WFDC10B: variants seen among roughly 807,000 people sequenced by gnomAD.
The protein encoded by WFDC10B is WAP four-disulfide core domain 10B, also known as protein WFDC10B.
A neutral mutation model predicts 2.7 loss-of-function variants in WFDC10B; 1 was observed. That is an observed-to-expected ratio of 0.38 (90% confidence interval 0.13 to 1.79). The LOEUF (loss-of-function observed/expected upper bound fraction) is 1.79, where lower values mean the gene tolerates loss of function less well. WFDC10B is among the 40% of genes most tolerant of loss of function. The probability of loss-of-function intolerance (pLI) is 0.33; values close to 1 mark genes in which losing one functional copy is unlikely to be tolerated. For synonymous variants in WFDC10B, 26 were observed against 32.2 expected (o/e 0.81, Z 0.65); for missense variants, 71 against 87.8 (o/e 0.81, Z 0.76).
chr20:45,699,862 A>G (rs1455592600), intron 2 of WFDC10B, among the ~76,000 whole-genome samples: 3 of 152,134 alleles, frequency 2.0e-5, no homozygotes, highest in African/African-American at 7.2e-5. Context: ...TATTTTTAGT[A>G]GAGATGGGGT....
chr20:45,688,892 GT>G (rs1202859877), intron 2 of WFDC10B, among the ~76,000 whole-genome samples: 1 of 151,894 alleles, frequency 6.6e-6, no homozygotes, highest in Admixed American at 6.6e-5. Context: ...TGCTTTTGGT[GT>G]TTTAGACATG....
At position 45,694,054 on chromosome 20, in the gene WFDC10B, G is replaced by GCAAA. The variant is rs900104931; in HGVS notation, c.-64-8002_-64-7999dup. ...TAGACGTTTGTCAGGTGGATAGATT[G>GCAAA]CAAACATTTTCTCCCATTTTGTAGG... On this transcript the variant is annotated intron_variant, in intron 2 of 3. Transcript: ENST00000330523. 4.7e-4 allele frequency among the ~76,000 whole-genome samples: 71 copies of GCAAA among 152,274 alleles called. 1 individual carries two copies. The highest frequency in any genetic ancestry group is 1.7e-3 in the African/African-American group (71 of 41,558).
chr20:45,692,545 C>T (rs1236632926), intron 2 of WFDC10B, among the ~76,000 whole-genome samples: 15 of 152,026 alleles, frequency 9.9e-5, no homozygotes, highest in Admixed American at 9.8e-4. Context: ...GTTTTTATTC[C>T]TTTTTCTCTA....
intron 2 of WFDC10B, among the ~76,000 whole-genome samples, chr20:45,695,128 T>C (rs1983938934): frequency 6.6e-6 from 1 of 152,166 alleles, no homozygotes; most frequent in Admixed American, 6.5e-5. Context: ...TCAGATGGGA[T>C]TGTGGGAGCC....
At chr20:45,702,060 C>T (rs1373077836) in intron 2 of WFDC10B, 5 of 1,494,472 alleles carry the variant, frequency 3.3e-6, no homozygotes, top group Non-Finnish European at 4.6e-6. Flanking sequence ...CTTCTCCTCA[C>T]AGCAGTGCCT....
rs533933824 is a variant in WFDC10B, at chr20:45,698,849, T to A, written c.-65+5648A>T. Among the ~76,000 whole-genome samples the A allele has an allele frequency of 7.5e-4, 114 of 151,552 alleles. 2 individuals are homozygous for A. Among genetic ancestry groups the A allele is most frequent in the African/African-American group, 2.7e-3 (113 of 41,270 alleles). On this transcript the variant is annotated intron_variant, in intron 2 of 3. Coordinates refer to ENST00000330523, the MANE Select transcript of WFDC10B (RefSeq NM_172006.2). The stretch of plus-strand genomic sequence containing the variant: ...AGGTGTGGGTGGCAGGCGCCTGTAA[T>A]CCCAGCTACTCAGGAGGCTGAGGCA...
intron 2 of WFDC10B, chr20:45,702,251 T>A: frequency 6.3e-7 from 1 of 1,579,896 alleles, no homozygotes; most frequent in Non-Finnish European, 8.6e-7. Context: ...AAGTAACATG[T>A]GTGGATAGGA....
At chr20:45,701,077 T>C (rs1011434806) in intron 2 of WFDC10B, among the ~76,000 whole-genome samples, 1 of 152,198 alleles carries the variant, frequency 6.6e-6, no homozygotes, top group African/African-American at 2.4e-5. Context: ...TGCCAGACCC[T>C]TTTTGGTTTG....
intron 2 of WFDC10B, among the ~76,000 whole-genome samples, chr20:45,690,578 C>T (rs6130887): frequency 0.21 from 32,023 of 149,970 alleles, 3,525 homozygotes; most frequent in East Asian, 0.32. Flanking sequence ...GGAGAGTGTA[C>T]GTGTCGAGGA....
chr20:45,690,019 A>G (rs1232621843), intron 2 of WFDC10B, among the ~76,000 whole-genome samples: 1 of 152,064 alleles, frequency 6.6e-6, no homozygotes, highest in Non-Finnish European at 1.5e-5. Flanking sequence ...ACGTCCCATC[A>G]ATACCTAATT....
intron 2 of WFDC10B, among the ~76,000 whole-genome samples, chr20:45,698,357 T>G (rs1984040787): frequency 6.6e-6 from 1 of 152,152 alleles, no homozygotes. Flanking sequence ...AAGTAAATCT[T>G]CATGACTATG....
chr20:45,689,250 A>C (rs1983730384), intron 2 of WFDC10B, among the ~76,000 whole-genome samples: 1 of 151,574 alleles, frequency 6.6e-6, no homozygotes, highest in Non-Finnish European at 1.5e-5. Flanking sequence ...GTAGCCTTGG[A>C]GTATAGTCTG....
intron 2 of WFDC10B, among the ~76,000 whole-genome samples, chr20:45,701,586 A>T (rs1274664639): frequency 1.3e-5 from 2 of 151,938 alleles, no homozygotes; most frequent in Non-Finnish European, 2.9e-5. Context: ...ACACAGTGAA[A>T]CCCCATCTCT....
At chr20:45,694,746 G>T (rs571806904) in intron 2 of WFDC10B, among the ~76,000 whole-genome samples, 1 of 152,178 alleles carries the variant, frequency 6.6e-6, no homozygotes, top group Non-Finnish European at 1.5e-5. Context: ...TGCTAATGAG[G>T]TTACTTGGAG....
chr20:45,701,934 T>C, intron 2 of WFDC10B: 1 of 587,864 alleles, frequency 1.7e-6, no homozygotes. Flanking sequence ...AAACACTACG[T>C]GACCCTGGAG....
intron 2 of WFDC10B, among the ~76,000 whole-genome samples, chr20:45,692,578 C>A (rs1983848222): frequency 6.6e-6 from 1 of 152,138 alleles, no homozygotes; most frequent in African/African-American, 2.4e-5. Flanking sequence ...CGCTTCATTT[C>A]ATTCGTCTTC....
Position 45,704,802 on chromosome 20 carries a change from T to A in WFDC10B, c.-130+116A>T, listed in dbSNP as rs563310840. On this transcript the variant is annotated intron_variant, in intron 1 of 3. Coordinates refer to ENST00000330523, the MANE Select transcript of WFDC10B (RefSeq NM_172006.2). ...CCCTCCTCCCCTCCCAATCACCACATCCCATCACCATATCCGTGAATTTCT... is the reference window on the plus strand; with the variant it reads ...CCCTCCTCCCCTCCCAATCACCACAACCCATCACCATATCCGTGAATTTCT... The A allele has an allele frequency of 4.1e-5, 53 of 1,297,948 alleles. No homozygotes were observed. In the African/African-American group the frequency reaches 6.8e-4, roughly 17 times the overall value. The allele number at this position is 1,297,948 out of a possible 1,614,324, so 80.4% of individuals were successfully genotyped here. A position where few individuals can be genotyped will look rare whatever the true frequency, so the allele number is the denominator to read the frequency against.
At chr20:45,687,860 T>TTTTTTATTA (rs1555805538) in intron 2 of WFDC10B, among the ~76,000 whole-genome samples, 16 of 145,350 alleles carry the variant, frequency 1.1e-4, no homozygotes, top group African/African-American at 4.1e-4. Flanking sequence ...TGTCTTTTCT[T>TTTTTTATTA]TTATTATTAT....
In WFDC10B at chr20:45,704,540, G is replaced by C; in HGVS notation, c.-108C>G. On this transcript the variant is annotated 5_prime_UTR_variant, in exon 2 of 4. Transcript: ENST00000330523. ...GATTGCGAGAAAGGATTTCAGTGCT[G>C]TTCCTCCTTCTGTGGGATAGTCTGT... 1 of 1,614,190 alleles carries C rather than the reference G, an allele frequency of 6.2e-7. No individual in the cohort carries two copies. The highest frequency in any genetic ancestry group is 8.5e-7 in the Non-Finnish European group (1 of 1,180,040).
Sources: gnomAD v4.1 joint callset for allele counts (sites outside exome capture counted in the v4.1 genomes callset) on GRCh38, gnomAD v4.1.1 for gene constraint, MANE v1.5 for transcripts, NCBI Gene and HGNC (gene_info 2026-07-23, HGNC 2026-07-21) for gene names.